Variants in PBX1 observed in about 807,000 individuals in gnomAD.
PBX1 encodes pre-B-cell leukemia transcription factor 1.
Under a neutral mutation model 53.4 loss-of-function variants are expected in PBX1, and 6 were observed. That is an observed-to-expected ratio of 0.11 (90% CI 0.06 to 0.22). The LOEUF (loss-of-function observed/expected upper bound fraction) is 0.22. PBX1 is among the 10% of genes least tolerant of loss of function. The probability of loss-of-function intolerance (pLI) is 1.00; values close to 1 mark genes in which losing one functional copy is unlikely to be tolerated. For missense variants in PBX1, 251 were observed against 551.4 expected (o/e 0.46, Z 5.46); for synonymous variants, 204 against 212.3 (o/e 0.96, Z 0.34).
intron 2 of PBX1, among the ~76,000 whole-genome samples, chr1:164,666,100 G>A (rs967131788): frequency 3.3e-5 from 5 of 152,142 alleles, no homozygotes; most frequent in South Asian, 2.1e-4. Flanking sequence ...GAAGAGATAC[G>A]GGATGTGACT....
At chr1:164,568,964 A>G (rs1043361312) in intron 2 of PBX1, among the ~76,000 whole-genome samples, 8 of 152,168 alleles carry the variant, frequency 5.3e-5, no homozygotes, top group African/African-American at 1.9e-4. Context: ...CAATCTCTCA[A>G]TTATTGGTGG....
chr1:164,665,289 T>C (rs563991219), intron 2 of PBX1, among the ~76,000 whole-genome samples: 7 of 152,316 alleles, frequency 4.6e-5, no homozygotes, highest in African/African-American at 1.7e-4. Context: ...TTTTATTTTA[T>C]TGATTTACTT....
At chr1:164,640,795 C>G (rs1219220502) in intron 2 of PBX1, among the ~76,000 whole-genome samples, 1 of 151,990 alleles carries the variant, frequency 6.6e-6, no homozygotes, top group Non-Finnish European at 1.5e-5. Flanking sequence ...TGAGCTCAGG[C>G]AATCCGCCTG....
intron 2 of PBX1, among the ~76,000 whole-genome samples, chr1:164,655,177 G>A (rs1177856536): frequency 1.3e-5 from 2 of 150,022 alleles, no homozygotes; most frequent in Non-Finnish European, 3.0e-5. Flanking sequence ...GCAATGGTGC[G>A]ATCTCAGCTC....
intron 2 of PBX1, among the ~76,000 whole-genome samples, chr1:164,644,766 T>A (rs1291468245): frequency 6.6e-6 from 1 of 152,174 alleles, no homozygotes; most frequent in Non-Finnish European, 1.5e-5. Flanking sequence ...AGACTGTTAT[T>A]AAAGAGTTAA....
intron 6 of PBX1, chr1:164,819,545 C>T (rs1230745956): frequency 6.6e-6 from 1 of 152,558 alleles, no homozygotes; most frequent in African/African-American, 2.4e-5. Context: ...CATAGAGCCA[C>T]TCCTAGTAGG....
chr1:164,578,634 G>T (rs1384780495), intron 2 of PBX1, among the ~76,000 whole-genome samples: 1 of 152,146 alleles, frequency 6.6e-6, no homozygotes, highest in Non-Finnish European at 1.5e-5. Context: ...TGTGACATGG[G>T]CAGGTCCATC....
intron 2 of PBX1, among the ~76,000 whole-genome samples, chr1:164,571,248 A>G (rs1338552244): frequency 1.3e-5 from 2 of 152,186 alleles, no homozygotes; most frequent in Non-Finnish European, 2.9e-5. Flanking sequence ...GTGTATTGAC[A>G]AAGTTGTGAA....
At chr1:164,813,642 A>C (rs989369229) in intron 6 of PBX1, 1 of 152,104 alleles carries the variant, frequency 6.6e-6, no homozygotes, top group African/African-American at 2.4e-5. Context: ...TGCACTCAAC[A>C]CTCCTGCAAA....
At chr1:164,678,945 C>A (rs1661592343) in intron 2 of PBX1, among the ~76,000 whole-genome samples, 1 of 152,086 alleles carries the variant, frequency 6.6e-6, no homozygotes, top group African/African-American at 2.4e-5. Context: ...TTATCTGAGA[C>A]TCCAGAAAAA....
chr1:164,608,931 T>C (rs1354177566), intron 2 of PBX1, among the ~76,000 whole-genome samples: 2 of 152,178 alleles, frequency 1.3e-5, no homozygotes, highest in African/African-American at 4.8e-5. Flanking sequence ...AGTATAAGAA[T>C]TCCAGGAATC....
intron 2 of PBX1, among the ~76,000 whole-genome samples, chr1:164,780,237 CA>C (rs1352413595): frequency 1.3e-5 from 2 of 152,160 alleles, no homozygotes; most frequent in Admixed American, 6.5e-5. Context: ...ACAACCACCA[CA>C]AAAAAGCCCG....
intron 2 of PBX1, among the ~76,000 whole-genome samples, chr1:164,597,735 T>C (rs951003284): frequency 1.3e-5 from 2 of 152,168 alleles, no homozygotes; most frequent in African/African-American, 4.8e-5. Flanking sequence ...CTCGCAGCCA[T>C]GTTGTAAATA....
chr1:164,872,733 G>A (rs1348956760), intron 2 of PBX1, among the ~76,000 whole-genome samples: 1 of 152,166 alleles, frequency 6.6e-6, no homozygotes, highest in African/African-American at 2.4e-5. Context: ...GCTTTTTTCA[G>A]GTGTGCTGCC....
intron 2 of PBX1, among the ~76,000 whole-genome samples, chr1:164,619,451 C>T (rs1657525579): frequency 1.3e-5 from 2 of 152,074 alleles, no homozygotes; most frequent in South Asian, 4.2e-4. Flanking sequence ...AGTGAAGGGG[C>T]AGTGAGTGAG....
chr1:164,579,190 G>A (rs1654450558), intron 2 of PBX1, among the ~76,000 whole-genome samples: 1 of 152,160 alleles, frequency 6.6e-6, no homozygotes, highest in South Asian at 2.1e-4. Flanking sequence ...ATGCTTTCTA[G>A]AAGCTGGAAT....
At chr1:164,858,843 G>A (rs1371686974) in intron 2 of PBX1, among the ~76,000 whole-genome samples, 1 of 152,186 alleles carries the variant, frequency 6.6e-6, no homozygotes, top group Non-Finnish European at 1.5e-5. Flanking sequence ...AAACTACGCT[G>A]TTATTGAAGT....
rs372072751 is a variant in PBX1, at chr1:164,835,108, T to A, written c.1201-11476T>A. Among the ~76,000 whole-genome samples the A allele has an allele frequency of 4.6e-5, 7 of 152,306 alleles. No homozygotes were observed. In the East Asian group the frequency reaches 1.4e-3, roughly 29 times the overall value. ...TATATTACTAAAAATGTGTTATGAA[T>A]ATTTTCCATATCATTAAACATTCTT... On this transcript the variant is annotated intron_variant, in intron 8 of 8. Coordinates refer to ENST00000420696, the MANE Select transcript of PBX1 (RefSeq NM_002585.4).
At chr1:164,779,086 C>T (rs926604320) in intron 2 of PBX1, among the ~76,000 whole-genome samples, 2 of 150,032 alleles carry the variant, frequency 1.3e-5, no homozygotes, top group African/African-American at 2.5e-5. Context: ...CTCTGTCCCC[C>T]AGGCTGGAGT....
Sources: allele counts gnomAD v4.1 joint callset (sites outside exome capture counted in the v4.1 genomes callset), GRCh38; gene constraint gnomAD v4.1.1; transcripts MANE v1.5; gene names NCBI Gene and HGNC (gene_info 2026-07-23, HGNC 2026-07-21).